Variants in PHACTR1 observed in about 807,000 individuals in gnomAD.
PHACTR1 encodes the protein phosphatase and actin regulator 1.
Under a neutral mutation model 69.2 loss-of-function variants are expected in PHACTR1, and 16 were observed. The observed-to-expected ratio is 0.23, with a 90% CI of 0.16 to 0.35. The LOEUF (loss-of-function observed/expected upper bound fraction) is 0.35. Ranked by LOEUF, PHACTR1 falls within the 10% of genes least tolerant of loss-of-function variation. PHACTR1 has a pLI of 1.00. For synonymous variants in PHACTR1, 312 were observed against 284.5 expected (o/e 1.10, Z -0.97); for missense variants, 510 against 734.7 (o/e 0.69, Z 3.54).
intron 4 of PHACTR1, among the ~76,000 whole-genome samples, chr6:12,893,791 C>T (rs55772710): frequency 3.9e-5 from 6 of 152,222 alleles, no homozygotes; most frequent in African/African-American, 4.8e-5. Context: ...AGGCAGTTCA[C>T]GCAAGTCTAA....
chr6:12,979,054 C>A (rs1316437006), intron 4 of PHACTR1, among the ~76,000 whole-genome samples: 3 of 152,150 alleles, frequency 2.0e-5, no homozygotes, highest in Non-Finnish European at 2.9e-5. Context: ...TTTTAAGGCC[C>A]TTTCTTTAGA....
chr6:12,898,095 A>G (rs193282878), intron 4 of PHACTR1, among the ~76,000 whole-genome samples: 1 of 152,140 alleles, frequency 6.6e-6, no homozygotes, highest in East Asian at 1.9e-4. Context: ...ACTGTGGACC[A>G]CTGTCTCCTT....
chr6:13,106,720 A>G (rs912482932), intron 5 of PHACTR1, among the ~76,000 whole-genome samples: 1 of 152,030 alleles, frequency 6.6e-6, no homozygotes, highest in African/African-American at 2.4e-5. Flanking sequence ...AATTTTTTTC[A>G]TCTCTAGTTT....
intron 4 of PHACTR1, among the ~76,000 whole-genome samples, chr6:12,781,567 A>G (rs1770826568): frequency 1.3e-5 from 2 of 152,246 alleles, no homozygotes; most frequent in African/African-American, 4.8e-5. Flanking sequence ...CTGGAAAGGA[A>G]CAGAGGCTCA....
intron 4 of PHACTR1, among the ~76,000 whole-genome samples, chr6:12,893,534 A>G (rs897346473): frequency 3.3e-5 from 5 of 152,034 alleles, no homozygotes; most frequent in African/African-American, 1.2e-4. Context: ...TGATTTTTTT[A>G]CAACTTGTAT....
At chr6:12,923,779 A>T (rs1034988288) in intron 4 of PHACTR1, among the ~76,000 whole-genome samples, 1 of 152,256 alleles carries the variant, frequency 6.6e-6, no homozygotes, top group African/African-American at 2.4e-5. Flanking sequence ...TTGTCAGGTA[A>T]CATTAGACAC....
intron 8 of PHACTR1, among the ~76,000 whole-genome samples, chr6:13,227,050 G>A (rs1393044183): frequency 6.6e-6 from 1 of 152,112 alleles, no homozygotes; most frequent in African/African-American, 2.4e-5. Context: ...AGCTTTTTTA[G>A]TTAACAAAGA....
At chr6:12,875,532 C>T (rs1782445566) in intron 4 of PHACTR1, among the ~76,000 whole-genome samples, 1 of 152,054 alleles carries the variant, frequency 6.6e-6, no homozygotes, top group South Asian at 2.1e-4. Flanking sequence ...TTTGAGCTGC[C>T]CCTGTAAGTA....
At chr6:12,721,589 G>A (rs1762132641) in intron 3 of PHACTR1, among the ~76,000 whole-genome samples, 1 of 152,102 alleles carries the variant, frequency 6.6e-6, no homozygotes, top group Admixed American at 6.6e-5. Flanking sequence ...CTCTCCATCT[G>A]TCTTGTCCTT....
At chr6:12,951,963 C>A (rs926203391) in intron 4 of PHACTR1, among the ~76,000 whole-genome samples, 2 of 152,160 alleles carry the variant, frequency 1.3e-5, no homozygotes, top group Non-Finnish European at 2.9e-5. Flanking sequence ...GCAATGAATA[C>A]TCGAGTAACT....
chr6:12,832,488 G>A (rs1392670506), intron 4 of PHACTR1, among the ~76,000 whole-genome samples: 2 of 151,888 alleles, frequency 1.3e-5, no homozygotes, highest in Non-Finnish European at 2.9e-5. Flanking sequence ...AACATGTCTC[G>A]AATAATCAGA....
At chr6:13,040,544 C>A (rs1172505565) in intron 4 of PHACTR1, among the ~76,000 whole-genome samples, 1 of 152,188 alleles carries the variant, frequency 6.6e-6, no homozygotes, top group Admixed American at 6.5e-5. Flanking sequence ...CCACTGAGAT[C>A]TGGTGTGGCT....
chr6:13,281,055 C>G, intron 12 of PHACTR1: 1 of 1,289,660 alleles, frequency 7.8e-7, no homozygotes, highest in Non-Finnish European at 1.0e-6. Context: ...TCTATGCTGT[C>G]TTGATTTGGA....
intron 4 of PHACTR1, among the ~76,000 whole-genome samples, chr6:13,015,773 C>T (rs888107860): frequency 6.6e-5 from 10 of 152,234 alleles, no homozygotes; most frequent in Non-Finnish European, 1.2e-4. Flanking sequence ...TTTTAACCTA[C>T]AGCACACAGT....
At chr6:12,906,855 A>G (rs1321311324) in intron 4 of PHACTR1, among the ~76,000 whole-genome samples, 2 of 152,156 alleles carry the variant, frequency 1.3e-5, no homozygotes, top group Non-Finnish European at 2.9e-5. Context: ...CATTTAGAGA[A>G]ATTAGGCTTT....
intron 8 of PHACTR1, among the ~76,000 whole-genome samples, chr6:13,212,660 C>T (rs1271817191): frequency 6.6e-6 from 1 of 152,114 alleles, no homozygotes; most frequent in East Asian, 1.9e-4. Context: ...CATCAGCTCC[C>T]CTCTCTGTTG....
At chr6:13,182,423 T>G (rs995672357) in intron 6 of PHACTR1, 96 bp from the exon 7 acceptor site, 1 of 1,339,088 alleles carries the variant, frequency 7.5e-7, no homozygotes, top group African/African-American at 1.4e-5. Context: ...TGACCTTGAT[T>G]GTTCAGCAGC....
At chr6:12,933,627 G>A in intron 4 of PHACTR1, 2 of 1,612,520 alleles carry the variant, frequency 1.2e-6, no homozygotes, top group Non-Finnish European at 1.7e-6. Flanking sequence ...TTTCCACAAT[G>A]TCCAGGCGTT....
intron 5 of PHACTR1, among the ~76,000 whole-genome samples, chr6:13,099,656 T>C (rs186447104): frequency 6.6e-6 from 1 of 152,362 alleles, no homozygotes; most frequent in Non-Finnish European, 1.5e-5. Flanking sequence ...TGAAGAATTC[T>C]ACATGAACAT....
Sources: gnomAD v4.1 joint callset for allele counts (sites outside exome capture counted in the v4.1 genomes callset) on GRCh38, gnomAD v4.1.1 for gene constraint, MANE v1.5 for transcripts, NCBI Gene and HGNC (gene_info 2026-07-23, HGNC 2026-07-21) for gene names.